The following SRGAP1 variants were observed in gnomAD, a reference collection of about 807,000 sequenced individuals.
The protein encoded by SRGAP1 is SLIT-ROBO Rho GTPase-activating protein 1.
SRGAP1 carries 43 observed loss-of-function variants against 121.9 expected under a neutral mutation model. That is an observed-to-expected ratio of 0.35 (90% CI 0.28 to 0.46). The LOEUF (loss-of-function observed/expected upper bound fraction) is 0.46, where lower values mean the gene tolerates loss of function less well. Among genes scored for constraint, SRGAP1 ranks in the 20% least tolerant of loss-of-function variants. The pLI is 1.00. For synonymous variants in SRGAP1, 447 were observed against 485.4 expected, an observed-to-expected ratio of 0.92 and a Z score of 1.04; for missense variants, 1,102 against 1,350.9, an observed-to-expected ratio of 0.82 and a Z score of 2.89.
intron 10 of SRGAP1, chr12:64,081,143 G>A (rs1252535513): frequency 1.3e-5 from 2 of 152,286 alleles, no homozygotes; most frequent in African/African-American, 4.8e-5. Flanking sequence ...TGTCTTAAGT[G>A]CTTCATAGTC....
chr12:63,859,002 C>G (rs143475196), intron 1 of SRGAP1, among the ~76,000 whole-genome samples: 1 of 151,370 alleles, frequency 6.6e-6, no homozygotes, highest in African/African-American at 2.4e-5. Context: ...TGTGCCTGGC[C>G]GATAAATTAT....
intron 1 of SRGAP1, among the ~76,000 whole-genome samples, chr12:63,943,432 T>C (rs910459453): frequency 6.6e-6 from 1 of 152,188 alleles, no homozygotes; most frequent in Admixed American, 6.5e-5. Flanking sequence ...GGCATTAGCA[T>C]GTTAATTCCT....
chr12:63,952,313 A>T (rs2032324921), intron 1 of SRGAP1, among the ~76,000 whole-genome samples: 1 of 152,128 alleles, frequency 6.6e-6, no homozygotes. Context: ...GGAGTTTGAG[A>T]CTAGGCTGGG....
chr12:63,846,141 C>T (rs982314278), intron 1 of SRGAP1, among the ~76,000 whole-genome samples: 2 of 151,922 alleles, frequency 1.3e-5, no homozygotes, highest in Non-Finnish European at 2.9e-5. Context: ...AGGCTGACCC[C>T]TATAATGTGT....
chr12:63,930,870 G>A (rs2031453223), intron 1 of SRGAP1, among the ~76,000 whole-genome samples: 1 of 152,178 alleles, frequency 6.6e-6, no homozygotes, highest in Admixed American at 6.5e-5. Context: ...AATATGGCCA[G>A]ATGAGTTTCC....
intron 1 of SRGAP1, among the ~76,000 whole-genome samples, chr12:63,979,118 C>A (rs2033178736): frequency 7.2e-6 from 1 of 138,698 alleles, no homozygotes; most frequent in Non-Finnish European, 1.5e-5. Context: ...TGGCTTACTG[C>A]AACCTCTGCC....
At chr12:64,078,769 T>C in intron 8 of SRGAP1, 150 bp from the exon 9 acceptor site, 1 of 685,498 alleles carries the variant, frequency 1.5e-6, no homozygotes, top group Non-Finnish European at 2.4e-6. Flanking sequence ...TGATATGGAG[T>C]GTTTTTTACC....
chr12:64,070,408 C>T (rs1246641206), intron 8 of SRGAP1, among the ~76,000 whole-genome samples: 2 of 152,154 alleles, frequency 1.3e-5, no homozygotes, highest in Non-Finnish European at 2.9e-5. Context: ...CATTTTCAGA[C>T]CATTTGTCCC....
intron 3 of SRGAP1, among the ~76,000 whole-genome samples, chr12:63,990,894 A>G (rs2033541400): frequency 6.6e-6 from 1 of 152,230 alleles, no homozygotes; most frequent in Non-Finnish European, 1.5e-5. Context: ...AGAGAGCGAC[A>G]TGAAGAAAAT....
At chr12:64,036,799 G>A (rs1480358893) in intron 4 of SRGAP1, among the ~76,000 whole-genome samples, 1 of 152,144 alleles carries the variant, frequency 6.6e-6, no homozygotes, top group East Asian at 1.9e-4. Flanking sequence ...TAAATGGATG[G>A]ACAAGCTTAC....
chr12:63,940,637 G>T (rs2031832605), intron 1 of SRGAP1, among the ~76,000 whole-genome samples: 1 of 152,208 alleles, frequency 6.6e-6, no homozygotes, highest in South Asian at 2.1e-4. Flanking sequence ...ACTGTCTGTG[G>T]TTGTGCCACT....
chr12:63,884,479 C>T (rs1900304161), intron 1 of SRGAP1, among the ~76,000 whole-genome samples: 1 of 152,072 alleles, frequency 6.6e-6, no homozygotes, highest in Non-Finnish European at 1.5e-5. Context: ...GTATAATGAT[C>T]TAGCCAGGGT....
intron 1 of SRGAP1, among the ~76,000 whole-genome samples, chr12:63,944,730 G>C (rs974701023): frequency 6.6e-6 from 1 of 152,238 alleles, no homozygotes; most frequent in Non-Finnish European, 1.5e-5. Flanking sequence ...TGATAGTGCA[G>C]AGAAGAAATA....
Position 63,984,003 on chromosome 12 carries a change from C to G in SRGAP1, c.124C>G (p.Arg42Gly), listed in dbSNP as rs751706565. Residue 42 changes from arginine to glycine, a missense_variant, in exon 2 of 22, where the codon CGA becomes GGA. Coordinates refer to ENST00000355086, the MANE Select transcript of SRGAP1 (RefSeq NM_020762.4). The part of the protein sequence containing the change: ...QKCLEQQTEM[R>G]VQLLQDLQDF... ...ATGCCTGGAGCAGCAAACGGAGATGCGAGTTCAGCTTCTCCAGGATCTGCA... is the reference window on the plus strand; with the variant it reads ...ATGCCTGGAGCAGCAAACGGAGATGGGAGTTCAGCTTCTCCAGGATCTGCA... 1.3e-6 allele frequency: 2 copies of G among 1,571,558 alleles called. No individual in the cohort carries two copies. Among genetic ancestry groups the G allele is most frequent in the Non-Finnish European group, 1.7e-6 (2 of 1,153,246 alleles).
intron 3 of SRGAP1, among the ~76,000 whole-genome samples, chr12:63,996,088 A>G (rs551195803): frequency 3.4e-4 from 52 of 151,960 alleles, no homozygotes; most frequent in Non-Finnish European, 2.4e-4. Flanking sequence ...ATGTGAAAAA[A>G]GAACCTATTT....
chr12:64,071,310 T>G (rs538516200), intron 8 of SRGAP1, among the ~76,000 whole-genome samples: 140 of 152,206 alleles, frequency 9.2e-4, no homozygotes, highest in African/African-American at 2.8e-3. Flanking sequence ...ATGGCAGAGC[T>G]CAGGATGGCT....
chr12:63,982,371 A>G (rs923463804), intron 1 of SRGAP1, among the ~76,000 whole-genome samples: 8 of 152,244 alleles, frequency 5.3e-5, no homozygotes, highest in African/African-American at 1.9e-4. Flanking sequence ...TTAAACTTCA[A>G]TTATTCTTTG....
chr12:64,012,098 G>A (rs746038126), intron 3 of SRGAP1, among the ~76,000 whole-genome samples: 2 of 152,126 alleles, frequency 1.3e-5, no homozygotes, highest in South Asian at 2.1e-4. Flanking sequence ...CTGGGGGACT[G>A]TCCTTCTATT....
At chr12:63,912,374 A>G (rs1374092703) in intron 1 of SRGAP1, among the ~76,000 whole-genome samples, 1 of 152,154 alleles carries the variant, frequency 6.6e-6, no homozygotes, top group African/African-American at 2.4e-5. Context: ...TTGAGCAGCC[A>G]AGGCGAGAGA....
Sources: allele counts gnomAD v4.1 joint callset (sites outside exome capture counted in the v4.1 genomes callset), GRCh38; gene constraint gnomAD v4.1.1; transcripts MANE v1.5; gene names NCBI Gene and HGNC (gene_info 2026-07-23, HGNC 2026-07-21).